The following PI4KB variants were observed in gnomAD, a reference collection of about 807,000 sequenced individuals.
The protein encoded by PI4KB is PtdIns 4-kinase beta.
In PI4KB, 23 loss-of-function variants were observed where a neutral mutation model predicts 81.4. That is an observed-to-expected ratio of 0.28 (90% CI 0.20 to 0.40). PI4KB has a LOEUF of 0.40. PI4KB is among the 10% of genes least tolerant of loss of function. The pLI, the probability that PI4KB is intolerant of heterozygous loss-of-function variation, is 1.00. For missense variants in PI4KB, 651 were observed against 1,036.6 expected (o/e 0.63, Z 5.11); for synonymous variants, 381 against 406.8 (o/e 0.94, Z 0.76).
At chr1:151,320,222 G>T (rs1478379475) in intron 1 of PI4KB, among the ~76,000 whole-genome samples, 1 of 151,910 alleles carries the variant, frequency 6.6e-6, no homozygotes, top group Admixed American at 6.6e-5. Context: ...TTTAGTAGAG[G>T]CAGGGTTTCA....
chr1:151,309,701 T>C (rs934169256), intron 3 of PI4KB, among the ~76,000 whole-genome samples: 4 of 152,160 alleles, frequency 2.6e-5, no homozygotes, highest in African/African-American at 9.7e-5. Context: ...GAAAACCAGT[T>C]GTGGAGAGGC....
chr1:151,317,139 CTTT>C (rs34628896), intron 1 of PI4KB, among the ~76,000 whole-genome samples: 12 of 126,944 alleles, frequency 9.5e-5, no homozygotes, highest in African/African-American at 1.2e-4. Context: ...TTTACAAATT[CTTT>C]TTTTTTTTTT....
At chr1:151,306,912 T>C (rs1271353896) in intron 4 of PI4KB, among the ~76,000 whole-genome samples, 6 of 152,184 alleles carry the variant, frequency 3.9e-5, no homozygotes, top group Non-Finnish European at 7.3e-5. Flanking sequence ...CCGTCGCTAC[T>C]AAAACTACAA....
Position 151,307,916 on chromosome 1 carries a change from C to T in PI4KB, c.955-115G>A, listed in dbSNP as rs587700981. ...GGGGACCCCACTATCTGGAGAACTC[C>T]AGGAAAGCAGCTGCTTTTTAGTCTT... On this transcript the variant is annotated intron_variant, in intron 3 of 11. Coordinates refer to ENST00000368873, the MANE Select transcript of PI4KB (RefSeq NM_001369623.2). 20 of 735,024 alleles carry T rather than the reference C, an allele frequency of 2.7e-5. No homozygotes were observed. In the African/African-American group the frequency reaches 3.5e-4, roughly 13 times the overall value. 45.5% of individuals were successfully genotyped at this position (735,024 alleles called of 1,614,324 possible).
rs113302596 is a variant in PI4KB, at chr1:151,302,582, T to C, written c.1521-284A>G. Among the ~76,000 whole-genome samples the C allele has an allele frequency of 6.1e-4, 89 of 146,970 alleles. 1 individual carries two copies. The highest frequency in any genetic ancestry group is 3.2e-3 in the South Asian group (15 of 4,736). ...TTGCATTTTTCTTTTCTTTTCTTTT[T>C]TTTTTTTTTTTTGAGATAAGAATCT... On this transcript the variant is annotated intron_variant, in intron 6 of 11. Coordinates refer to ENST00000368873, the MANE Select transcript of PI4KB (RefSeq NM_001369623.2).
At position 151,292,553 on chromosome 1, in the gene PI4KB, C is replaced by T. The variant is rs1428848090; in HGVS notation, c.*299G>A. 1 of 352,928 alleles carries T rather than the reference C, an allele frequency of 2.8e-6. No individual in the cohort carries two copies. The highest frequency in any genetic ancestry group is 5.2e-6 in the Non-Finnish European group (1 of 191,768). The allele number at this position is 352,928 out of a possible 1,614,324, so 21.9% of individuals were successfully genotyped here. ...ACAAGGAGAAGAAAGGCCCCAGTGT[C>T]CCTCACATTTGTCACCTCTGTTTTC... On this transcript the variant is annotated 3_prime_UTR_variant, in exon 12 of 12. Coordinates refer to ENST00000368873, the MANE Select transcript of PI4KB (RefSeq NM_001369623.2).
In PI4KB at chr1:151,316,483, G is replaced by A. The variant is rs1266100253; in HGVS notation, c.-2C>T. 5 of 1,516,324 alleles carry A rather than the reference G, an allele frequency of 3.3e-6. No individual in the cohort carries two copies. In the East Asian group the frequency reaches 1.1e-4, roughly 35 times the overall value. 93.9% of individuals were successfully genotyped at this position (1,516,324 alleles called of 1,614,324 possible). On this transcript the variant is annotated 5_prime_UTR_variant, in exon 2 of 12. Transcript: ENST00000368873. ...AGGCTCCACTACTGTATCTCCCATGGCCACAGCCAGACTTCGAGCTTCCAA... is the reference window on the plus strand; with the variant it reads ...AGGCTCCACTACTGTATCTCCCATGACCACAGCCAGACTTCGAGCTTCCAA...
At chr1:151,323,244 C>T (rs1571228749) in intron 1 of PI4KB, among the ~76,000 whole-genome samples, 1 of 152,312 alleles carries the variant, frequency 6.6e-6, no homozygotes, top group Non-Finnish European at 1.5e-5. Flanking sequence ...GTGGCTCATG[C>T]CTGTAATCCC....
chr1:151,298,014 G>A (rs1251197108), intron 9 of PI4KB, among the ~76,000 whole-genome samples: 2 of 152,222 alleles, frequency 1.3e-5, no homozygotes, highest in African/African-American at 4.8e-5. Flanking sequence ...TTAGAAGGCA[G>A]GGCCTAGATG....
intron 3 of PI4KB, among the ~76,000 whole-genome samples, chr1:151,308,199 G>T (rs1695942761): frequency 6.6e-6 from 1 of 152,204 alleles, no homozygotes; most frequent in Non-Finnish European, 1.5e-5. Context: ...CAAGAACAGG[G>T]TTGTCCTTCT....
At chr1:151,303,508 T>C (rs768651319) in intron 6 of PI4KB, 33 bp downstream of exon 6, 10 of 1,288,736 alleles carry the variant, frequency 7.8e-6, no homozygotes, top group Non-Finnish European at 1.1e-5. Context: ...GAAAGAGGGA[T>C]GAAAAATGAG....
intron 1 of PI4KB, among the ~76,000 whole-genome samples, chr1:151,319,749 C>G (rs1343989391): frequency 2.0e-5 from 3 of 152,170 alleles, no homozygotes; most frequent in Non-Finnish European, 4.4e-5. Flanking sequence ...CAGAATCTGA[C>G]TATAGCTAAC....
At chr1:151,316,646 AAAATC>A in intron 1 of PI4KB, 137 bp from the exon 2 acceptor site, 1 of 548,374 alleles carries the variant, frequency 1.8e-6, no homozygotes, top group Non-Finnish European at 3.1e-6. Context: ...GGACTCCTTC[AAAATC>A]AGATAAGAAG....
At chr1:151,297,401 G>A (rs1327182845) in intron 9 of PI4KB, among the ~76,000 whole-genome samples, 1 of 102,216 alleles carries the variant, frequency 9.8e-6, no homozygotes, top group African/African-American at 3.4e-5. Context: ...AAGTACTGTG[G>A]CATGATCTTG....
intron 1 of PI4KB, among the ~76,000 whole-genome samples, chr1:151,317,596 A>T (rs1648161334): frequency 6.6e-6 from 1 of 151,820 alleles, no homozygotes; most frequent in South Asian, 2.1e-4. Context: ...AATTACAGGC[A>T]TGAGCCACCA....
rs1316930457 is a variant in PI4KB, at chr1:151,327,409, C to T, written c.-167G>A. The T allele has an allele frequency of 2.5e-6, 1 of 397,662 alleles. No individual in the cohort carries two copies. The highest frequency in any genetic ancestry group is 4.4e-6 in the Non-Finnish European group (1 of 225,458). 24.6% of individuals were successfully genotyped at this position (397,662 alleles called of 1,614,324 possible). A position where few individuals can be genotyped will look rare whatever the true frequency, so the allele number is the denominator to read the frequency against. On this transcript the variant is annotated 5_prime_UTR_variant, in exon 1 of 12. Transcript: ENST00000368873. ...CAGCGGCCGCGGAGGCTGCACCAGG[C>T]CCCGGCTGCGGGGCTGCCCGCGGCG...
At chr1:151,310,921 T>C (rs1696166951) in intron 2 of PI4KB, among the ~76,000 whole-genome samples, 1 of 152,182 alleles carries the variant, frequency 6.6e-6, no homozygotes, top group Non-Finnish European at 1.5e-5. Flanking sequence ...ATCAATCTCC[T>C]ATCTACCAAA....
intron 1 of PI4KB, among the ~76,000 whole-genome samples, 155 bp downstream of exon 1, chr1:151,327,116 A>C (rs963045446): frequency 6.6e-6 from 1 of 152,038 alleles, no homozygotes; most frequent in South Asian, 2.1e-4. Context: ...GCCTGAGAGG[A>C]AAGGGTGGAG....
chr1:151,310,460 T>G (rs1027917649), intron 2 of PI4KB, among the ~76,000 whole-genome samples: 2 of 152,208 alleles, frequency 1.3e-5, no homozygotes, highest in African/African-American at 4.8e-5. Flanking sequence ...GAAGGGCAGC[T>G]CAGACTTTAA....
Sources: gnomAD v4.1 joint callset for allele counts (sites outside exome capture counted in the v4.1 genomes callset) on GRCh38, gnomAD v4.1.1 for gene constraint, MANE v1.5 for transcripts, NCBI Gene and HGNC (gene_info 2026-07-23, HGNC 2026-07-21) for gene names.